The following ITIH5 variants were observed in gnomAD, a reference collection of about 807,000 sequenced individuals.
The protein encoded by ITIH5 is inter-alpha-trypsin inhibitor heavy chain H5.
A neutral mutation model predicts 77.5 loss-of-function variants in ITIH5; 65 were observed. That is an observed-to-expected ratio of 0.84 (90% CI 0.69 to 1.03). The LOEUF (loss-of-function observed/expected upper bound fraction) is 1.03, where lower values mean the gene tolerates loss of function less well. ITIH5 is among the 50% of genes least tolerant of loss of function. The pLI, the probability that ITIH5 is intolerant of heterozygous loss-of-function variation, is 0.00. For synonymous variants in ITIH5, 525 were observed against 494.3 expected (o/e 1.06, Z -0.82); for missense variants, 1,208 against 1,213.1 (o/e 1.00, Z 0.06).
intron 13 of ITIH5, among the ~76,000 whole-genome samples, chr10:7,563,615 A>G (rs1470217356): frequency 6.6e-6 from 1 of 152,216 alleles, no homozygotes; most frequent in African/African-American, 2.4e-5. Flanking sequence ...CCAGCTGCTA[A>G]CACTAGAAAG....
At position 7,634,045 on chromosome 10, in the gene ITIH5, C is replaced by T. The variant is rs1006600856; in HGVS notation, c.652+3183G>A. Among the ~76,000 whole-genome samples, 7 of 138,596 alleles carry T rather than the reference C, an allele frequency of 5.1e-5. No individual in the cohort carries two copies. In the East Asian group the frequency reaches 6.6e-4, roughly 13 times the overall value. The allele number at this position is 138,596 out of a possible 152,430, so 90.9% of individuals were successfully genotyped here. A position where few individuals can be genotyped will look rare whatever the true frequency, so the allele number is the denominator to read the frequency against. On this transcript the variant is annotated intron_variant, in intron 5 of 13. Transcript: ENST00000397146. The stretch of plus-strand genomic sequence containing the variant: ...CGGAGCTTGCAGTGAGCCGAGATCG[C>T]GCCACTGCACTCCAGCCTGGGCGAC...
intron 5 of ITIH5, among the ~76,000 whole-genome samples, chr10:7,635,168 C>T (rs1317829403): frequency 6.6e-6 from 1 of 152,188 alleles, no homozygotes; most frequent in East Asian, 1.9e-4. Context: ...TAAGGAGACA[C>T]AGGTTAATCA....
intron 2 of ITIH5, 33 bp downstream of exon 2, chr10:7,655,598 T>C: frequency 1.3e-6 from 2 of 1,557,368 alleles, no homozygotes; most frequent in Non-Finnish European, 8.9e-7. Flanking sequence ...AATGAGGGAA[T>C]GGACTTTCAA....
At chr10:7,656,695 C>T (rs900908954) in intron 1 of ITIH5, among the ~76,000 whole-genome samples, 2 of 151,226 alleles carry the variant, frequency 1.3e-5, no homozygotes, top group Non-Finnish European at 2.9e-5. Flanking sequence ...GGCAGTTTTA[C>T]AATGTAGATC....
chr10:7,585,771 C>A, intron 8 of ITIH5, 130 bp downstream of exon 8: 2 of 744,738 alleles, frequency 2.7e-6, no homozygotes, highest in African/African-American at 3.6e-5. Flanking sequence ...AAAGCTCTCG[C>A]CTGCAGTCTC....
chr10:7,580,046 G>A lies in ITIH5; in HGVS notation c.1127C>T (p.Ala376Val), dbSNP rs41298373. The A allele has an allele frequency of 0.097, 155,692 of 1,604,858 alleles. 8,130 individuals are homozygous for A. The highest frequency in any genetic ancestry group is 0.11 in the Admixed American group (6,294 of 58,780). The stretch of plus-strand genomic sequence containing the variant: ...GAGGAGCCTGATGGCCCTCTGCAGG[G>A]CCCCGTTGATGTCTGTGCCTGCAGG... Reference protein sequence around the residue: ...SPTGGTDINGALQRAIRLLNK... With the variant: ...SPTGGTDINGVLQRAIRLLNK... Residue 376 changes from alanine (A) to valine (V), a missense_variant, in exon 9 of 14, where the codon GCC (alanine) becomes GTC (valine). Transcript: ENST00000397146.
At chr10:7,599,646 AC>A (rs750749233) in intron 7 of ITIH5, among the ~76,000 whole-genome samples, 32 of 151,962 alleles carry the variant, frequency 2.1e-4, no homozygotes, top group Admixed American at 8.5e-4. Flanking sequence ...TCCATCCTAC[AC>A]CTCTCATTAT....
chr10:7,563,893 G>A (rs1337521412), intron 13 of ITIH5, among the ~76,000 whole-genome samples: 1 of 152,266 alleles, frequency 6.6e-6, no homozygotes, highest in Non-Finnish European at 1.5e-5. Flanking sequence ...GTCTGCAAGG[G>A]GAGCTCATGC....
rs776961233 is a variant in ITIH5, at chr10:7,641,915, C to T, written c.299+12G>A. On this transcript the variant is annotated intron_variant, in intron 3 of 13. Coordinates refer to ENST00000397146, the MANE Select transcript of ITIH5 (RefSeq NM_030569.7). ...GGCAGAAATCTTCATCCCTGACCAG[C>T]GTGTCACCTACATAGTGAAGTTGGT... The T allele has an allele frequency of 1.7e-5, 28 of 1,613,136 alleles. No homozygotes were observed. The highest frequency in any genetic ancestry group is 2.2e-5 in the South Asian group (2 of 90,972).
intron 8 of ITIH5, 122 bp from the exon 9 acceptor site, chr10:7,580,186 T>A: frequency 1.2e-6 from 1 of 805,662 alleles, no homozygotes; most frequent in East Asian, 2.7e-5. Flanking sequence ...AATGGCGCAA[T>A]CTGCACTCAC....
At chr10:7,603,804 C>T (rs186236605) in intron 7 of ITIH5, among the ~76,000 whole-genome samples, 3 of 152,216 alleles carry the variant, frequency 2.0e-5, no homozygotes, top group Admixed American at 1.3e-4. Flanking sequence ...AGGATGGTCC[C>T]GATCTCCTGA....
chr10:7,571,676 C>CA (rs1314113537), intron 11 of ITIH5: 1 of 152,434 alleles, frequency 6.6e-6, no homozygotes, highest in Admixed American at 6.5e-5. Context: ...CTCGGCCTCT[C>CA]AAAGTGCTGG....
chr10:7,638,283 A>G (rs987064425), intron 4 of ITIH5, among the ~76,000 whole-genome samples: 12 of 152,254 alleles, frequency 7.9e-5, no homozygotes, highest in African/African-American at 2.4e-4. Context: ...TCCAATGTGA[A>G]TGAATGACTA....
intron 8 of ITIH5, among the ~76,000 whole-genome samples, chr10:7,585,111 G>A (rs372135896): frequency 1.3e-5 from 2 of 152,198 alleles, no homozygotes; most frequent in African/African-American, 4.8e-5. Context: ...CCAGGAGGTG[G>A]TGTCTCTGTA....
intron 7 of ITIH5, among the ~76,000 whole-genome samples, chr10:7,588,245 A>G (rs1183282696): frequency 1.3e-5 from 2 of 152,096 alleles, no homozygotes; most frequent in Non-Finnish European, 2.9e-5. Context: ...TTAGCCAGGC[A>G]TGGTGGTGCA....
At chr10:7,565,688 CATAT>C (rs1417183194) in intron 13 of ITIH5, among the ~76,000 whole-genome samples, 1 of 148,380 alleles carries the variant, frequency 6.7e-6, no homozygotes. Context: ...TATACACATA[CATAT>C]ACAGACTGCA....
intron 7 of ITIH5, among the ~76,000 whole-genome samples, chr10:7,597,457 G>T (rs1254792055): frequency 1.3e-5 from 2 of 152,228 alleles, no homozygotes; most frequent in African/African-American, 4.8e-5. Context: ...TAAGCCCACA[G>T]TGAGGAGAAT....
intron 13 of ITIH5, among the ~76,000 whole-genome samples, chr10:7,565,241 TATAC>T (rs1832124211): frequency 6.7e-6 from 1 of 149,286 alleles, no homozygotes; most frequent in Admixed American, 6.7e-5. Flanking sequence ...ACACAGAGTG[TATAC>T]ATACATATAC....
At chr10:7,625,824 A>C (rs903986450) in intron 5 of ITIH5, among the ~76,000 whole-genome samples, 2 of 151,966 alleles carry the variant, frequency 1.3e-5, no homozygotes, top group African/African-American at 4.8e-5. Context: ...AAGATGGTAA[A>C]TTTTACATTG....
Sources: gnomAD v4.1 joint callset for allele counts (sites outside exome capture counted in the v4.1 genomes callset) on GRCh38, gnomAD v4.1.1 for gene constraint, MANE v1.5 for transcripts, NCBI Gene and HGNC (gene_info 2026-07-23, HGNC 2026-07-21) for gene names.